The following LAMA4 variants were observed in gnomAD, a reference collection of about 807,000 sequenced individuals.
LAMA4 encodes the protein laminin subunit alpha-4.
LAMA4 carries 127 observed loss-of-function variants against 207.1 expected under a neutral mutation model. The ratio of observed to expected loss-of-function variants is 0.61; its 90% CI spans 0.53 to 0.71. LAMA4 has a LOEUF of 0.71. Ranked by LOEUF, LAMA4 falls within the 30% of genes least tolerant of loss-of-function variation. LAMA4 has a pLI of 0.00. For synonymous variants in LAMA4, 761 were observed against 816.0 expected (o/e 0.93, Z 1.15); for missense variants, 2,093 against 2,246.5 (o/e 0.93, Z 1.38).
chr6:112,138,091 A>G (rs1779462840), intron 24 of LAMA4, among the ~76,000 whole-genome samples: 1 of 152,160 alleles, frequency 6.6e-6, no homozygotes, highest in African/African-American at 2.4e-5. Flanking sequence ...TATCAGCTCT[A>G]TTAAAACATT....
chr6:112,198,678 G>T (rs374969648), intron 5 of LAMA4, among the ~76,000 whole-genome samples: 3 of 152,242 alleles, frequency 2.0e-5, no homozygotes, highest in African/African-American at 7.2e-5. Flanking sequence ...ATTAATCAGT[G>T]GCACTATTTA....
chr6:112,240,048 T>C (rs574412607), intron 2 of LAMA4, among the ~76,000 whole-genome samples: 2 of 152,070 alleles, frequency 1.3e-5, no homozygotes, highest in African/African-American at 4.8e-5. Flanking sequence ...AGAGCGAGAC[T>C]CTGTCTCAAA....
At chr6:112,164,906 T>G (rs1781293740) in intron 13 of LAMA4, among the ~76,000 whole-genome samples, 1 of 152,222 alleles carries the variant, frequency 6.6e-6, no homozygotes, top group Non-Finnish European at 1.5e-5. Context: ...ATGTGGCTGC[T>G]GAGGACTTGA....
At chr6:112,241,901 C>G (rs1346683873) in intron 2 of LAMA4, among the ~76,000 whole-genome samples, 1 of 152,118 alleles carries the variant, frequency 6.6e-6, no homozygotes, top group Non-Finnish European at 1.5e-5. Flanking sequence ...TTCCCTGTCT[C>G]CTAACATTAT....
intron 3 of LAMA4, among the ~76,000 whole-genome samples, chr6:112,215,486 T>A (rs1226286608): frequency 6.6e-6 from 1 of 151,954 alleles, no homozygotes; most frequent in Non-Finnish European, 1.5e-5. Flanking sequence ...AAATAAGTAT[T>A]CTTATAGTTT....
chr6:112,165,137 G>C (rs1478394443), intron 13 of LAMA4, 23 bp downstream of exon 13: 1 of 1,359,424 alleles, frequency 7.4e-7, no homozygotes, highest in Admixed American at 1.7e-5. Flanking sequence ...ATACAAACCT[G>C]AACAAGTCAC....
chr6:112,247,238 A>G (rs1468379491), intron 2 of LAMA4, among the ~76,000 whole-genome samples: 3 of 152,330 alleles, frequency 2.0e-5, no homozygotes, highest in East Asian at 3.9e-4. Flanking sequence ...TTATTTTACA[A>G]TCAAAGGAAC....
intron 5 of LAMA4, among the ~76,000 whole-genome samples, chr6:112,195,016 A>G (rs536532880): frequency 2.0e-5 from 3 of 152,306 alleles, no homozygotes; most frequent in African/African-American, 7.2e-5. Context: ...TGATGTTTAG[A>G]AAAAAAGATT....
At chr6:112,231,823 C>T (rs1785583584) in intron 2 of LAMA4, among the ~76,000 whole-genome samples, 1 of 152,166 alleles carries the variant, frequency 6.6e-6, no homozygotes, top group Admixed American at 6.5e-5. Flanking sequence ...TCTGACTGAG[C>T]CATGAAACCA....
chr6:112,158,336 T>C (rs1392862586), intron 14 of LAMA4: 1 of 221,898 alleles, frequency 4.5e-6, no homozygotes, highest in African/African-American at 2.3e-5. Context: ...AATAAATAGG[T>C]AATGTTAGAA....
At chr6:112,175,703 C>T (rs1554343511) in intron 10 of LAMA4, among the ~76,000 whole-genome samples, 1 of 152,270 alleles carries the variant, frequency 6.6e-6, no homozygotes, top group African/African-American at 2.4e-5. Context: ...CCACTCTTCT[C>T]TGCTTCCCAT....
chr6:112,228,202 T>C (rs1785334361), intron 2 of LAMA4, among the ~76,000 whole-genome samples: 1 of 152,222 alleles, frequency 6.6e-6, no homozygotes, highest in Admixed American at 6.5e-5. Context: ...CCTGTCCAGC[T>C]GGCCTGGAGT....
At chr6:112,144,563 G>C (rs973033022) in intron 19 of LAMA4, among the ~76,000 whole-genome samples, 2 of 152,186 alleles carry the variant, frequency 1.3e-5, no homozygotes, top group African/African-American at 4.8e-5. Context: ...GAACATACAG[G>C]TACTGAGCCC....
intron 17 of LAMA4, among the ~76,000 whole-genome samples, chr6:112,150,049 A>T (rs782715590): frequency 5.3e-5 from 8 of 152,184 alleles, no homozygotes; most frequent in Non-Finnish European, 1.0e-4. Flanking sequence ...CCTGTTGCTT[A>T]TATGGTAAGA....
chr6:112,107,942 A>G lies in LAMA4; in HGVS notation c.*1495T>C, dbSNP rs920040269. 6.6e-6 allele frequency among the ~76,000 whole-genome samples: 1 copy of G among 152,192 alleles called. No individual in the cohort carries two copies. The highest frequency in any genetic ancestry group is 2.1e-4 in the South Asian group (1 of 4,832). On this transcript the variant is annotated 3_prime_UTR_variant, in exon 39 of 39. Coordinates refer to ENST00000230538, the MANE Select transcript of LAMA4 (RefSeq NM_001105206.3). ...AGGATTAGTGGAATGAACAAATAAA[A>G]TAATTAACTTTAGCTTATCATGGTG...
intron 16 of LAMA4, among the ~76,000 whole-genome samples, chr6:112,151,850 T>G (rs1236583668): frequency 6.6e-6 from 1 of 152,140 alleles, no homozygotes; most frequent in Non-Finnish European, 1.5e-5. Context: ...TTTTTAAAAG[T>G]CAAAAATCTT....
intron 16 of LAMA4, among the ~76,000 whole-genome samples, chr6:112,153,853 G>A (rs1191311088): frequency 6.6e-6 from 1 of 151,756 alleles, no homozygotes; most frequent in African/African-American, 2.4e-5. Context: ...GCCTTTGTTT[G>A]CCCAGAAAAA....
intron 5 of LAMA4, among the ~76,000 whole-genome samples, chr6:112,201,014 C>T (rs772862781): frequency 6.7e-6 from 1 of 149,598 alleles, no homozygotes; most frequent in African/African-American, 2.5e-5. Context: ...ACATGTATCC[C>T]AGAACTTAAA....
rs782664818 is a variant in LAMA4, at chr6:112,178,219, G to A, written c.1091C>T (p.Ser364Phe). 2.4e-5 allele frequency: 39 copies of A among 1,613,178 alleles called. No homozygotes were observed. The highest frequency in any genetic ancestry group is 3.2e-5 in the Non-Finnish European group (38 of 1,179,238). ...CTTCTGAACAAGTTGTCCTTTTCTG[G>A]AGGCTTGATTTTCCTACAAATAATC... ...EELVEKENQA[S>F]RKGQLVQKES... Residue 364 changes from serine (S) to phenylalanine (F), a missense_variant, in exon 10 of 39, where the codon TCC becomes TTC. Ser to Phe is a radical substitution (Grantham distance 155, BLOSUM62 -2). Around this residue, in one of 3 missense-constraint regions of LAMA4, gnomAD observed 1,704 missense variants for 1,788.4 expected, o/e 0.95. Transcript: ENST00000230538.
Sources: gnomAD v4.1 joint callset for allele counts (sites outside exome capture counted in the v4.1 genomes callset) on GRCh38, gnomAD v4.1.1 for gene constraint, gnomAD v4.1.1 regional missense constraint, MANE v1.5 for transcripts, NCBI Gene and HGNC (gene_info 2026-07-23, HGNC 2026-07-21) for gene names.